ARID1B: variants seen among roughly 807,000 people sequenced by gnomAD.
ARID1B encodes the protein AT-rich interaction domain 1B, also known as AT-rich interactive domain-containing protein 1B.
In ARID1B, 30 loss-of-function variants were observed where a neutral mutation model predicts 212.3. The observed-to-expected ratio is 0.14, with a 90% confidence interval of 0.11 to 0.19. The LOEUF (loss-of-function observed/expected upper bound fraction) is 0.19, where lower values mean the gene tolerates loss of function less well. Ranked by LOEUF, ARID1B falls within the 10% of genes least tolerant of loss-of-function variation. The probability of loss-of-function intolerance (pLI) is 1.00; values close to 1 mark genes in which losing one functional copy is unlikely to be tolerated. For missense variants in ARID1B, 2,891 were observed against 3,204.0 expected, an observed-to-expected ratio of 0.90 and a Z score of 2.36; for synonymous variants, 1,402 against 1,301.7, an observed-to-expected ratio of 1.08 and a Z score of -1.66.
At chr6:156,887,476 A>G (rs992281175) in intron 2 of ARID1B, among the ~76,000 whole-genome samples, 10 of 152,164 alleles carry the variant, frequency 6.6e-5, no homozygotes, top group African/African-American at 2.4e-4. Flanking sequence ...TAATGAGTAC[A>G]TTTTCTCCCT....
At chr6:156,900,683 A>G (rs2128209530) in intron 2 of ARID1B, among the ~76,000 whole-genome samples, 1 of 152,324 alleles carries the variant, frequency 6.6e-6, no homozygotes, top group South Asian at 2.1e-4. Context: ...ATGAGGAAGG[A>G]TTTTCCTGTA....
At chr6:157,090,971 G>T (rs955057212) in intron 5 of ARID1B, among the ~76,000 whole-genome samples, 2 of 152,144 alleles carry the variant, frequency 1.3e-5, no homozygotes, top group Non-Finnish European at 2.9e-5. Context: ...CTCCCGCCTG[G>T]GGTAGCCTCT....
intron 2 of ARID1B, among the ~76,000 whole-genome samples, chr6:156,897,220 T>TGC (rs1562468303): frequency 0.052 from 3,844 of 73,330 alleles, 44 homozygotes; most frequent in Non-Finnish European, 0.059. Flanking sequence ...CTGCTGCTGC[T>TGC]TCTTCTTCTT....
intron 4 of ARID1B, among the ~76,000 whole-genome samples, chr6:157,059,735 G>C (rs935923153): frequency 6.6e-6 from 1 of 152,186 alleles, no homozygotes; most frequent in Non-Finnish European, 1.5e-5. Context: ...TAAAGCTCCT[G>C]CCTGGCCTGG....
intron 6 of ARID1B, 182 bp downstream of exon 6, chr6:157,110,743 G>T (rs1304642883): frequency 1.5e-6 from 1 of 649,552 alleles, no homozygotes; most frequent in Admixed American, 2.7e-5. Flanking sequence ...ATGCTTTCTT[G>T]TAGGTTGGGT....
rs1019897331 is a variant in ARID1B at position 157,169,092 on chromosome 6, G to A, written c.3235+1907G>A. 4.3e-5 allele frequency: 6 copies of A among 139,498 alleles called. No homozygotes were observed. The East Asian group carries it at 5.8e-4, about 13-fold the overall frequency. The allele number at this position is 139,498 out of a possible 1,614,324, so 8.6% of individuals were successfully genotyped here. On this transcript the variant is annotated intron_variant, in intron 9 of 19. Coordinates refer to ENST00000636930, the MANE Select transcript of ARID1B (RefSeq NM_001374828.1). The stretch of plus-strand genomic sequence containing the variant: ...GCGTTACAGCACAGCCCCTGTGAGC[G>A]TTGGGATGCGTCTACCTGACTGCAC...
At chr6:157,132,636 T>A (rs964770656) in intron 6 of ARID1B, among the ~76,000 whole-genome samples, 8 of 152,152 alleles carry the variant, frequency 5.3e-5, no homozygotes, top group Non-Finnish European at 1.0e-4. Context: ...GAGCAAAGGC[T>A]TGGAGCAGGC....
intron 13 of ARID1B, chr6:157,186,314 G>C (rs1350586560): frequency 2.6e-6 from 1 of 385,568 alleles, no homozygotes; most frequent in South Asian, 1.9e-5. Context: ...ACACAAAAGA[G>C]CTTGGATTGC....
At chr6:157,020,046 G>C (rs1418593034) in intron 4 of ARID1B, among the ~76,000 whole-genome samples, 1 of 152,082 alleles carries the variant, frequency 6.6e-6, no homozygotes, top group Non-Finnish European at 1.5e-5. Context: ...GAAACAAATT[G>C]GCACAACTTG....
rs1467270895 is a variant in ARID1B at position 156,778,930 on chromosome 6, C to T, written c.1250C>T (p.Ala417Val). ...GGGGGAGAGGAGAGAVAAAAA... is the reference protein window; with the variant it reads ...GGGGGAGAGGVGAGAVAAAAA... Reference sequence around the variant, plus strand: ...GGAGGAGGAGCAGGAGCAGGAGGAGCAGGAGCGGGAGCTGTGGCGGCGGCG... The same window carrying T: ...GGAGGAGGAGCAGGAGCAGGAGGAGTAGGAGCGGGAGCTGTGGCGGCGGCG... The change falls in exon 1 of 20, where the codon GCA (alanine) becomes GTA (valine). Residue 417 changes from alanine (A) to valine (V), a missense_variant. Around this residue, in one of 7 missense-constraint regions of ARID1B, gnomAD observed 1,643 missense variants for 1,544.0 expected, o/e 1.06. Coordinates refer to ENST00000636930, the MANE Select transcript of ARID1B (RefSeq NM_001374828.1). The T allele has an allele frequency of 7.6e-7, 1 of 1,313,764 alleles. No homozygotes were observed. Among genetic ancestry groups the T allele is most frequent in the East Asian group, 3.2e-5 (1 of 31,524 alleles). The allele number at this position is 1,313,764 out of a possible 1,614,324, so 81.4% of individuals were successfully genotyped here. A position where few individuals can be genotyped will look rare whatever the true frequency, so the allele number is the denominator to read the frequency against.
intron 7 of ARID1B, among the ~76,000 whole-genome samples, chr6:157,141,706 T>G (rs1207299945): frequency 1.3e-5 from 2 of 152,242 alleles, no homozygotes; most frequent in Admixed American, 6.5e-5. Context: ...CCTCAAAATT[T>G]TTTTCATTAG....
At position 156,901,952 on chromosome 6, in the gene ARID1B, A is replaced by G. The variant is rs1015764749; in HGVS notation, c.2136+427A>G. ...TTGTTTTGTTTTAATGGTAAGTGCT[A>G]CTTTGTGAAAACATTGTTGCCTTTG... On this transcript the variant is annotated intron_variant, in intron 3 of 19. Transcript: ENST00000636930. 6 of 177,010 alleles carry G rather than the reference A, an allele frequency of 3.4e-5. No individual in the cohort carries two copies. The South Asian group carries it at 5.2e-4, about 15-fold the overall frequency. 11.0% of individuals were successfully genotyped at this position (177,010 alleles called of 1,614,324 possible).
At chr6:156,988,084 G>C (rs1007162172) in intron 4 of ARID1B, among the ~76,000 whole-genome samples, 4 of 152,128 alleles carry the variant, frequency 2.6e-5, no homozygotes, top group Non-Finnish European at 5.9e-5. Flanking sequence ...AAAAAAATCT[G>C]ATCTATTGGA....
In ARID1B at chr6:156,981,986, C is replaced by T. The variant is rs71578593; in HGVS notation, c.2247+46410C>T. Among the ~76,000 whole-genome samples, 378 of 151,822 alleles carry T rather than the reference C, an allele frequency of 2.5e-3. 2 individuals are homozygous for T. The highest frequency in any genetic ancestry group is 0.017 in the Middle Eastern group (5 of 294). On this transcript the variant is annotated intron_variant, in intron 4 of 19. Coordinates refer to ENST00000636930, the MANE Select transcript of ARID1B (RefSeq NM_001374828.1). ...CACCACAATTTGGAGTGGTTGTTAA[C>T]GCAGGAGATAGATGTGTACAGCCAT... is the stretch of plus-strand genomic sequence containing the variant.
Position 157,207,735 on chromosome 6 carries a change from G to A in ARID1B, c.6963G>A (p.Ala2321=), listed in dbSNP as rs754242891. The A allele has an allele frequency of 9.0e-5, 143 of 1,587,572 alleles. 1 individual carries two copies. In the Admixed American group the frequency reaches 1.0e-3, roughly 11 times the overall value. ...EPPSVDMMCR[A]AKALLAMARV... is the part of the protein sequence containing the mutation. Reference sequence around the variant, plus strand: ...CTAGCGTAGACATGATGTGCAGGGCGGCCAAGGCTTTGCTAGCCATGGCCA... The same window carrying A: ...CTAGCGTAGACATGATGTGCAGGGCAGCCAAGGCTTTGCTAGCCATGGCCA... The change falls in exon 20 of 20, where the codon GCG becomes GCA. Residue 2321 remains alanine (A), a synonymous_variant. Transcript: ENST00000636930. This position sits in a 1 kb window ranked among gnomAD's most constrained non-coding sequence, Gnocchi z 8.5.
chr6:157,199,500 G>A (rs1793956242), intron 17 of ARID1B, among the ~76,000 whole-genome samples: 1 of 151,790 alleles, frequency 6.6e-6, no homozygotes, highest in African/African-American at 2.4e-5. Flanking sequence ...TGGCTTTCCA[G>A]ACATACAGGA....
chr6:157,031,816 G>C (rs983068721), intron 4 of ARID1B, among the ~76,000 whole-genome samples: 1 of 150,628 alleles, frequency 6.6e-6, no homozygotes, highest in Non-Finnish European at 1.5e-5. Context: ...TTTTGAGATG[G>C]TGCCTCACTC....
intron 6 of ARID1B, among the ~76,000 whole-genome samples, chr6:157,122,941 C>A (rs1424431225): frequency 6.1e-4 from 93 of 152,202 alleles, no homozygotes; most frequent in African/African-American, 2.1e-3. Flanking sequence ...CTCAGCCTCC[C>A]AAAGTACTGG....
intron 2 of ARID1B, among the ~76,000 whole-genome samples, chr6:156,847,313 G>T (rs1291063155): frequency 6.6e-6 from 1 of 152,092 alleles, no homozygotes; most frequent in Non-Finnish European, 1.5e-5. Flanking sequence ...CTCTGGCAGG[G>T]AACCTGGTCT....
Sources: allele counts gnomAD v4.1 joint callset (sites outside exome capture counted in the v4.1 genomes callset), GRCh38; gene constraint gnomAD v4.1.1; regional missense constraint gnomAD v4.1.1; non-coding constraint Gnocchi (gnomAD v3.1); transcripts MANE v1.5; gene names NCBI Gene and HGNC (gene_info 2026-07-23, HGNC 2026-07-21).